SPAG16: variants seen among roughly 807,000 people sequenced by gnomAD.
SPAG16 encodes sperm-associated antigen 16 protein.
A neutral mutation model predicts 80.4 loss-of-function variants in SPAG16; 86 were observed. The observed-to-expected ratio is 1.07, with a 90% CI of 0.90 to 1.28. SPAG16 has a LOEUF of 1.28. SPAG16 is among the 50% of genes most tolerant of loss of function. The pLI, the probability that SPAG16 is intolerant of heterozygous loss-of-function variation, is 0.00. For synonymous variants in SPAG16, 294 were observed against 265.9 expected (o/e 1.11, Z -1.03); for missense variants, 870 against 765.3 (o/e 1.14, Z -1.61).
chr2:214,315,898 G>A (rs1287643063), intron 15 of SPAG16, among the ~76,000 whole-genome samples: 1 of 152,098 alleles, frequency 6.6e-6, no homozygotes, highest in East Asian at 1.9e-4. Context: ...TTTCGATTTA[G>A]TTTAAAATAG....
intron 10 of SPAG16, among the ~76,000 whole-genome samples, chr2:213,725,684 A>G (rs911930788): frequency 6.6e-6 from 1 of 152,212 alleles, no homozygotes; most frequent in African/African-American, 2.4e-5. Context: ...CCACCTAGAT[A>G]TGTCTGCAAT....
At chr2:213,586,150 G>T (rs1482087658) in intron 10 of SPAG16, among the ~76,000 whole-genome samples, 8 of 152,130 alleles carry the variant, frequency 5.3e-5, no homozygotes, top group Admixed American at 5.2e-4. Context: ...GTGGAAAACT[G>T]GCTATATGAA....
chr2:213,298,010 A>G (rs1239851986), intron 3 of SPAG16, among the ~76,000 whole-genome samples: 8 of 152,182 alleles, frequency 5.3e-5, no homozygotes, highest in Non-Finnish European at 7.4e-5. Flanking sequence ...GGAATTTGTG[A>G]AACTCCTTTT....
chr2:213,883,018 A>G (rs1816211), intron 11 of SPAG16, among the ~76,000 whole-genome samples: 90,323 of 151,896 alleles, frequency 0.59, 28,734 homozygotes, highest in South Asian at 0.85. Flanking sequence ...GGCACCCACC[A>G]CCACACCCGG....
At chr2:214,187,868 C>A (rs1044939038) in intron 15 of SPAG16, among the ~76,000 whole-genome samples, 75 of 151,870 alleles carry the variant, frequency 4.9e-4, no homozygotes, top group African/African-American at 1.8e-3. Flanking sequence ...AACTTTCGGA[C>A]AAAGTAGTAC....
intron 13 of SPAG16, among the ~76,000 whole-genome samples, chr2:214,083,378 A>G (rs1270452155): frequency 1.3e-5 from 2 of 150,694 alleles, no homozygotes; most frequent in Non-Finnish European, 3.0e-5. Flanking sequence ...TTTTTTTCTT[A>G]TTTACCAGGC....
chr2:213,350,454 G>C, intron 6 of SPAG16, 74 bp from the exon 7 acceptor site: 1 of 739,304 alleles, frequency 1.4e-6, no homozygotes, highest in South Asian at 2.9e-5. Flanking sequence ...AGAAAAAAAG[G>C]TTTTGATGTT....
At chr2:213,762,361 A>T (rs1341042040) in intron 10 of SPAG16, among the ~76,000 whole-genome samples, 1 of 152,196 alleles carries the variant, frequency 6.6e-6, no homozygotes, top group Non-Finnish European at 1.5e-5. Flanking sequence ...CTGATAAATT[A>T]TATGTTATGT....
intron 15 of SPAG16, among the ~76,000 whole-genome samples, chr2:214,399,835 C>T (rs1701607394): frequency 6.6e-6 from 1 of 152,032 alleles, no homozygotes; most frequent in Admixed American, 6.6e-5. Context: ...CAGAACTGAA[C>T]TGGAACTTGC....
chr2:213,833,852 A>G lies in SPAG16; in HGVS notation c.1071-28633A>G, dbSNP rs1391077263. Among the ~76,000 whole-genome samples, 3 of 151,600 alleles carry G rather than the reference A, an allele frequency of 2.0e-5. No homozygotes were observed. In the East Asian group the frequency reaches 5.9e-4, roughly 30 times the overall value. Reference sequence around the variant, plus strand: ...TTAGTTATATGGGGAAGAAAAGGCAATACCTTTTCCTCTCCCATCACAGGG... The same window carrying G: ...TTAGTTATATGGGGAAGAAAAGGCAGTACCTTTTCCTCTCCCATCACAGGG... On this transcript the variant is annotated intron_variant, in intron 10 of 15. Transcript: ENST00000331683.
intron 8 of SPAG16, 49 bp from the exon 9 acceptor site, chr2:213,374,961 A>T: frequency 7.4e-7 from 1 of 1,355,502 alleles, no homozygotes; most frequent in Non-Finnish European, 1.0e-6. Context: ...CAATCATTTT[A>T]TACCGATAAA....
chr2:213,893,671 T>C (rs2076879406), intron 11 of SPAG16, among the ~76,000 whole-genome samples: 1 of 152,112 alleles, frequency 6.6e-6, no homozygotes, highest in South Asian at 2.1e-4. Context: ...TTGTCATATC[T>C]GTAAAATAAC....
intron 11 of SPAG16, among the ~76,000 whole-genome samples, chr2:213,928,155 G>A (rs553160992): frequency 2.8e-4 from 42 of 152,074 alleles, no homozygotes; most frequent in African/African-American, 1.0e-3. Flanking sequence ...GCATGATCTC[G>A]GCTCACTGCA....
chr2:214,012,193 G>T (rs1482621420), intron 12 of SPAG16, among the ~76,000 whole-genome samples: 3 of 132,474 alleles, frequency 2.3e-5, no homozygotes, highest in Non-Finnish European at 3.1e-5. Flanking sequence ...ACTAATCAAA[G>T]ATTAACTATC....
intron 12 of SPAG16, among the ~76,000 whole-genome samples, chr2:214,012,280 A>ATGTTTT (rs1237894126): frequency 1.3e-4 from 6 of 46,386 alleles, no homozygotes; most frequent in African/African-American, 6.4e-4. Context: ...ATATATATAT[A>ATGTTTT]TATATATATT....
At chr2:214,278,846 G>T (rs755139365) in intron 15 of SPAG16, among the ~76,000 whole-genome samples, 1 of 152,078 alleles carries the variant, frequency 6.6e-6, no homozygotes, top group African/African-American at 2.4e-5. Flanking sequence ...TGAAACTTCA[G>T]AAAACAAGAT....
chr2:213,387,780 T>C (rs1364975670), intron 9 of SPAG16, among the ~76,000 whole-genome samples: 1 of 152,104 alleles, frequency 6.6e-6, no homozygotes, highest in Non-Finnish European at 1.5e-5. Context: ...AAGAAAATTC[T>C]TCCCTAGTGA....
chr2:214,273,078 C>T (rs1692159306), intron 15 of SPAG16, among the ~76,000 whole-genome samples: 1 of 152,186 alleles, frequency 6.6e-6, no homozygotes, highest in African/African-American at 2.4e-5. Context: ...CTTTTGGCTG[C>T]ATAAATGTCT....
intron 9 of SPAG16, among the ~76,000 whole-genome samples, chr2:213,402,633 G>T (rs2068380849): frequency 6.7e-6 from 1 of 149,930 alleles, no homozygotes; most frequent in Non-Finnish European, 1.5e-5. Flanking sequence ...GTGTCCATGT[G>T]TTCTCATTGT....
Sources: allele counts gnomAD v4.1 joint callset (sites outside exome capture counted in the v4.1 genomes callset), GRCh38; gene constraint gnomAD v4.1.1; transcripts MANE v1.5; gene names NCBI Gene and HGNC (gene_info 2026-07-23, HGNC 2026-07-21).